The following USP33 variants were observed in gnomAD, a reference collection of about 807,000 sequenced individuals.
USP33 encodes the protein ubiquitin specific peptidase 33.
In USP33, 46 loss-of-function variants were observed where a neutral mutation model predicts 124.2. The observed-to-expected ratio is 0.37, with a 90% CI of 0.29 to 0.47. The LOEUF (loss-of-function observed/expected upper bound fraction) is 0.47. Ranked by LOEUF, USP33 falls within the 20% of genes least tolerant of loss-of-function variation. The pLI, the probability that USP33 is intolerant of heterozygous loss-of-function variation, is 0.99. For synonymous variants in USP33, 350 were observed against 352.3 expected (o/e 0.99, Z 0.07); for missense variants, 851 against 1,070.6 (o/e 0.79, Z 2.86).
chr1:77,723,184 T>C lies in USP33; in HGVS notation c.1389+147A>G, dbSNP rs555030206. The C allele has an allele frequency of 1.0e-5, 7 of 677,666 alleles. No homozygotes were observed. The South Asian group carries it at 1.3e-4, about 13-fold the overall frequency. The allele number at this position is 677,666 out of a possible 1,614,324, so 42.0% of individuals were successfully genotyped here. On this transcript the variant is annotated intron_variant, in intron 12 of 23. Coordinates refer to ENST00000370794, the MANE Select transcript of USP33 (RefSeq NM_201624.3). ...TCCAAAAAAAATTCTACACCTAGAA[T>C]CAAATTTGTGTTGATGTAAACACAA...
rs1405280773 is a variant in USP33, at chr1:77,712,671, C to T, written c.2297+529G>A. On this transcript the variant is annotated intron_variant, in intron 20 of 23. Coordinates refer to ENST00000370794, the MANE Select transcript of USP33 (RefSeq NM_201624.3). ...AGGAGTTCAAGATCAGCCCAGGCAA[C>T]ATGGCAAAACCCCATCTCTACAAAA... 3.3e-5 allele frequency among the ~76,000 whole-genome samples: 5 copies of T among 152,076 alleles called. No homozygotes were observed. The East Asian group carries it at 9.6e-4, about 29-fold the overall frequency.
At chr1:77,735,319 A>T (rs1678310931) in intron 6 of USP33, among the ~76,000 whole-genome samples, 1 of 152,218 alleles carries the variant, frequency 6.6e-6, no homozygotes. Flanking sequence ...AATAAATACT[A>T]CAAAAAATTA....
At chr1:77,737,834 G>A (rs6687501) in intron 5 of USP33, among the ~76,000 whole-genome samples, 63,876 of 152,016 alleles carry the variant, frequency 0.42, 15,667 homozygotes, top group African/African-American at 0.68. Context: ...GATGCTGATA[G>A]TTTTGCCTTT....
chr1:77,759,380 A>T (rs1681113719), intron 1 of USP33: 1 of 388,140 alleles, frequency 2.6e-6, no homozygotes, highest in South Asian at 1.4e-4. Flanking sequence ...AGAACCCCTG[A>T]GGACCCTTCC....
At chr1:77,736,499 C>CT (rs1253488644) in intron 5 of USP33, among the ~76,000 whole-genome samples, 1 of 152,230 alleles carries the variant, frequency 6.6e-6, no homozygotes, top group African/African-American at 2.4e-5. Flanking sequence ...CTATCCTACA[C>CT]TGTCTTCTCA....
chr1:77,698,225 G>A (rs533690118), intron 22 of USP33, among the ~76,000 whole-genome samples: 41 of 148,264 alleles, frequency 2.8e-4, no homozygotes, highest in African/African-American at 9.3e-4. Flanking sequence ...CACCACGCCC[G>A]GCTAATTTTT....
chr1:77,715,644 C>T lies in USP33; in HGVS notation c.2045+98G>A, dbSNP rs1056017799. 8.4e-5 allele frequency: 116 copies of T among 1,377,572 alleles called. No homozygotes were observed. The African/African-American group carries it at 1.6e-3, about 19-fold the overall frequency. 85.3% of individuals were successfully genotyped at this position (1,377,572 alleles called of 1,614,324 possible). A position where few individuals can be genotyped will look rare whatever the true frequency, so the allele number is the denominator to read the frequency against. On this transcript the variant is annotated intron_variant, in intron 18 of 23. Transcript: ENST00000370794. ...TAATGAAATAGGAGGAAAACAATTC[C>T]TAATCTTGACTCAGCAATCCATTAG...
At chr1:77,713,175 G>A in intron 20 of USP33, 25 bp downstream of exon 20, 2 of 1,586,858 alleles carry the variant, frequency 1.3e-6, no homozygotes, top group Non-Finnish European at 1.7e-6. Flanking sequence ...TCACAACACT[G>A]TATGGTCTGA....
At chr1:77,721,704 G>A (rs1676577012) in intron 14 of USP33, 127 bp downstream of exon 14, 2 of 780,770 alleles carry the variant, frequency 2.6e-6, no homozygotes, top group East Asian at 2.8e-5. Flanking sequence ...CTAACCGAAT[G>A]CCAATATGTG....
Position 77,717,806 on chromosome 1 carries a change from G to A in USP33, c.1918+61C>T, listed in dbSNP as rs573289008. On this transcript the variant is annotated intron_variant, in intron 17 of 23. Transcript: ENST00000370794. ...TGGTATTACAGGTATGAGCCACCAC[G>A]CCCAGGCTTATTTTAATTTTTTTTT... 4,793 of 1,429,312 alleles carry A rather than the reference G, an allele frequency of 3.4e-3. 11 individuals are homozygous for A. Among genetic ancestry groups the A allele is most frequent in the South Asian group, 6.7e-3 (380 of 56,912 alleles). 88.5% of individuals were successfully genotyped at this position (1,429,312 alleles called of 1,614,324 possible).
At chr1:77,700,938 A>T (rs1673943707) in intron 22 of USP33, among the ~76,000 whole-genome samples, 1 of 152,138 alleles carries the variant, frequency 6.6e-6, no homozygotes, top group Non-Finnish European at 1.5e-5. Context: ...ACGTCAGGTG[A>T]TCCACCCACG....
intron 1 of USP33, among the ~76,000 whole-genome samples, chr1:77,755,736 TA>T (rs569115608): frequency 4.9e-4 from 74 of 152,286 alleles, no homozygotes; most frequent in African/African-American, 1.7e-3. Context: ...TCTAGGATTT[TA>T]TAAAAGTTAA....
intron 21 of USP33, among the ~76,000 whole-genome samples, chr1:77,702,802 T>TA (rs771917031): frequency 1.3e-4 from 19 of 150,772 alleles, no homozygotes; most frequent in South Asian, 6.3e-4. Flanking sequence ...CACTTGCAAT[T>TA]AAAAAAAAAC....
At chr1:77,705,129 G>C (rs1674472456) in intron 21 of USP33, among the ~76,000 whole-genome samples, 1 of 147,082 alleles carries the variant, frequency 6.8e-6, no homozygotes, top group Admixed American at 6.8e-5. Flanking sequence ...AAAAAAAAAG[G>C]GGGGGGGCTG....
chr1:77,714,967 G>A, intron 18 of USP33, 184 bp from the exon 19 acceptor site: 2 of 568,148 alleles, frequency 3.5e-6, no homozygotes, highest in Non-Finnish European at 5.9e-6. Flanking sequence ...GGATGAAACT[G>A]TATCTTACCT....
chr1:77,701,533 C>G (rs960809697), intron 21 of USP33, 62 bp from the exon 22 acceptor site: 12 of 1,315,242 alleles, frequency 9.1e-6, no homozygotes, highest in Non-Finnish European at 1.2e-5. Context: ...CAAAACAATA[C>G]CATCATTCCA....
chr1:77,741,816 A>T, intron 1 of USP33, 68 bp from the exon 2 acceptor site: 1 of 1,384,232 alleles, frequency 7.2e-7, no homozygotes, highest in East Asian at 2.5e-5. Context: ...ATTCCAAAAA[A>T]TAAAAAAATT....
chr1:77,743,912 C>T (rs1570849349), intron 1 of USP33, among the ~76,000 whole-genome samples: 1 of 152,078 alleles, frequency 6.6e-6, no homozygotes, highest in African/African-American at 2.4e-5. Context: ...GGACGGATCA[C>T]GAGGTCAGGA....
intron 22 of USP33, 39 bp from the exon 23 acceptor site, chr1:77,697,970 TG>T (rs776777866): frequency 1.6e-5 from 25 of 1,564,002 alleles, no homozygotes; most frequent in Admixed American, 1.5e-4. Flanking sequence ...TTCAAAGAAA[TG>T]TAACAAAAAA....
Sources: allele counts gnomAD v4.1 joint callset (sites outside exome capture counted in the v4.1 genomes callset), GRCh38; gene constraint gnomAD v4.1.1; transcripts MANE v1.5; gene names NCBI Gene and HGNC (gene_info 2026-07-23, HGNC 2026-07-21).